The following MAPT variants were observed in gnomAD, a reference collection of about 807,000 sequenced individuals.
MAPT encodes microtubule-associated protein tau.
In MAPT, 34 loss-of-function variants were observed where a neutral mutation model predicts 67.9. That is an observed-to-expected ratio of 0.50 (90% CI 0.38 to 0.67). MAPT has a LOEUF of 0.67. Among genes scored for constraint, MAPT ranks in the 30% least tolerant of loss-of-function variants. The pLI is 0.00. For synonymous variants in MAPT, 456 were observed against 464.5 expected (o/e 0.98, Z 0.23); for missense variants, 881 against 1,115.2 (o/e 0.79, Z 2.99).
chr17:45,983,416 G>T lies in MAPT; in HGVS notation c.837G>T (p.Lys279Asn). ...GDLHQEGPPLKGAGGKERPGS... is the reference protein window; with the variant it reads ...GDLHQEGPPLNGAGGKERPGS... ...TGCACCAGGAGGGGCCGCCGCTGAA[G>T]GGGGCAGGGGGCAAAGAGAGGCCGG... Residue 279 changes from lysine (K) to asparagine (N), a missense_variant, in exon 5 of 13, where the codon AAG becomes AAT. Lys to Asn is a moderately conservative substitution (Grantham distance 94). Around this residue, in one of 6 missense-constraint regions of MAPT, gnomAD observed 687 missense variants for 766.1 expected, o/e 0.90. Transcript: ENST00000262410. 1 of 1,606,466 alleles carries T rather than the reference G, an allele frequency of 6.2e-7. No individual in the cohort carries two copies. The highest frequency in any genetic ancestry group is 2.2e-5 in the East Asian group (1 of 44,716).
chr17:45,997,722 T>C (rs2074613937), intron 9 of MAPT, among the ~76,000 whole-genome samples: 3 of 152,108 alleles, frequency 2.0e-5, no homozygotes, highest in Admixed American at 2.0e-4. Context: ...ATAGTGCCAC[T>C]GCACTCCAGT....
In MAPT at chr17:45,897,081, G is replaced by A. The variant is rs2063298986; in HGVS notation, c.-18+2395G>A. The A allele has an allele frequency of 6.6e-6, 1 of 152,320 alleles. No homozygotes were observed. Among genetic ancestry groups the A allele is most frequent in the Non-Finnish European group, 1.5e-5 (1 of 68,116 alleles). The allele number at this position is 152,320 out of a possible 1,614,324, so 9.4% of individuals were successfully genotyped here. On this transcript the variant is annotated intron_variant, in intron 1 of 12. Transcript: ENST00000262410. The surrounding 1 kb of genome is among the most constrained non-coding windows in gnomAD (Gnocchi z 5.0). ...TAGAGGGCTGGAGCCTGGGTACTGC[G>A]AGGCTCCTCGCATGGCTGGGCCCGC...
In MAPT at chr17:46,028,309, G is replaced by A. The variant is rs2076909082; in HGVS notation, c.*4138G>A. The A allele has an allele frequency of 6.6e-6, 1 of 152,542 alleles. No homozygotes were observed. The allele number at this position is 152,542 out of a possible 1,614,324, so 9.4% of individuals were successfully genotyped here. On this transcript the variant is annotated 3_prime_UTR_variant, in exon 13 of 13. Transcript: ENST00000262410. ...GACTGTTGCTGTAAAAGTGAATTTG[G>A]AAATAAAGTTATTACTCTGATTAAA...
chr17:45,978,548 CAGG>C (rs1052780613), intron 4 of MAPT, 108 bp downstream of exon 4: 19 of 898,460 alleles, frequency 2.1e-5, no homozygotes, highest in Non-Finnish European at 2.8e-5. Context: ...TTCACAAGTC[CAGG>C]AGATTTTAGG....
chr17:45,951,977 G>A (rs2069130611), intron 1 of MAPT, among the ~76,000 whole-genome samples: 1 of 152,180 alleles, frequency 6.6e-6, no homozygotes, highest in African/African-American at 2.4e-5. Context: ...AGTGGTCTGA[G>A]GAAAACAGCC....
At chr17:46,012,692 G>A (rs369747263) in intron 10 of MAPT, among the ~76,000 whole-genome samples, 6 of 152,088 alleles carry the variant, frequency 3.9e-5, no homozygotes, top group Middle Eastern at 3.4e-3. Flanking sequence ...CTGACCACCG[G>A]CCCTGGCTCC....
intron 1 of MAPT, among the ~76,000 whole-genome samples, chr17:45,936,771 G>T (rs12150460): frequency 0.14 from 21,825 of 152,200 alleles, 2,141 homozygotes; most frequent in Middle Eastern, 0.22. Context: ...CTTCCCCCAA[G>T]GGCGTCATTA....
intron 1 of MAPT, chr17:45,895,155 A>G (rs2063088044): frequency 6.6e-6 from 1 of 151,178 alleles, no homozygotes; most frequent in Non-Finnish European, 1.5e-5. Flanking sequence ...GCTGTTCGCC[A>G]TCAGCTCTAA....
rs1568207965 is a variant in MAPT at position 45,941,700 on chromosome 17, TG to T, written c.-17-20620del. Among the ~76,000 whole-genome samples the T allele has an allele frequency of 1.0e-3, 84 of 82,124 alleles. 9 individuals are homozygous for T. Among genetic ancestry groups the T allele is most frequent in the Middle Eastern group, 6.8e-3 (1 of 146 alleles). The allele number at this position is 82,124 out of a possible 152,430, so 53.9% of individuals were successfully genotyped here. A position where few individuals can be genotyped will look rare whatever the true frequency, so the allele number is the denominator to read the frequency against. Reference sequence around the variant, plus strand: ...CTTCCCTCCTTCCTTCCTTCCTTCCTGCCTGCCTTCCTTCCTTCCTTCCTTC... The same window carrying T: ...CTTCCCTCCTTCCTTCCTTCCTTCCTCCTGCCTTCCTTCCTTCCTTCCTTC... On this transcript the variant is annotated intron_variant, in intron 1 of 12. Transcript: ENST00000262410.
intron 1 of MAPT, among the ~76,000 whole-genome samples, chr17:45,936,156 C>G (rs1448969485): frequency 6.6e-6 from 1 of 152,236 alleles, no homozygotes; most frequent in East Asian, 1.9e-4. Context: ...TCAGTATTTG[C>G]ACAGATAGCT....
intron 9 of MAPT, chr17:45,999,326 C>G (rs748717526): frequency 3.1e-6 from 5 of 1,613,832 alleles, no homozygotes; most frequent in Non-Finnish European, 4.2e-6. Flanking sequence ...GCAGCCCCCA[C>G]AAGACTGTGC....
chr17:45,978,140 G>A, intron 3 of MAPT: 2 of 571,784 alleles, frequency 3.5e-6, no homozygotes, highest in Non-Finnish European at 6.3e-6. Flanking sequence ...TTTCCTACTA[G>A]GTCATAGCTA....
chr17:45,958,707 T>G (rs1598151489), intron 1 of MAPT, among the ~76,000 whole-genome samples: 2 of 139,402 alleles, frequency 1.4e-5, no homozygotes. Context: ...AGCAACAGAG[T>G]GAGACCCTGA....
rs529375504 is a variant in MAPT at position 46,019,133 on chromosome 17, G to A, written c.2286+403G>A. On this transcript the variant is annotated intron_variant, in intron 12 of 12. Coordinates refer to ENST00000262410, the MANE Select transcript of MAPT (RefSeq NM_001377265.1). Reference sequence around the variant, plus strand: ...CTCACAGTTCCACATGGCTGGGGAGGCCTCAAAATCATGGCGGAAGGCAAA... The same window carrying A: ...CTCACAGTTCCACATGGCTGGGGAGACCTCAAAATCATGGCGGAAGGCAAA... 2.1e-4 allele frequency among the ~76,000 whole-genome samples: 32 copies of A among 152,272 alleles called. 1 individual carries two copies. The South Asian group carries it at 6.4e-3, about 31-fold the overall frequency.
At chr17:45,903,866 A>AAT (rs2063831215) in intron 1 of MAPT, among the ~76,000 whole-genome samples, 2 of 56,584 alleles carry the variant, frequency 3.5e-5, no homozygotes, top group African/African-American at 1.3e-4. Context: ...TATATATATT[A>AAT]TATATTATAT....
At chr17:45,997,044 G>A (rs2074542622) in intron 9 of MAPT, among the ~76,000 whole-genome samples, 1 of 152,222 alleles carries the variant, frequency 6.6e-6, no homozygotes, top group Non-Finnish European at 1.5e-5. Context: ...TGCCTTCTGG[G>A]CAGAATACAC....
intron 1 of MAPT, among the ~76,000 whole-genome samples, chr17:45,909,595 G>T (rs1013910984): frequency 3.9e-5 from 6 of 152,110 alleles, no homozygotes; most frequent in Non-Finnish European, 7.3e-5. Flanking sequence ...AATTAGGCTG[G>T]GTGTGGTGGC....
At chr17:46,018,037 C>T (rs950445234) in intron 11 of MAPT, among the ~76,000 whole-genome samples, 3 of 151,038 alleles carry the variant, frequency 2.0e-5, no homozygotes, top group Admixed American at 6.6e-5. Context: ...CCCAGCCACT[C>T]GGTTGGCTGA....
In MAPT at chr17:45,933,245, C is replaced by CT. The variant is rs61564191; in HGVS notation, c.-17-29062dup. ...TACTGTTTTTGAACTCTCTCTCTCCCTTTTTTTTTTTTTTGAGACAGAGTC... is the reference window on the plus strand; with the variant it reads ...TACTGTTTTTGAACTCTCTCTCTCCCTTTTTTTTTTTTTTTGAGACAGAGTC... On this transcript the variant is annotated intron_variant, in intron 1 of 12. Transcript: ENST00000262410. Among the ~76,000 whole-genome samples, 654 of 139,172 alleles carry CT rather than the reference C, an allele frequency of 4.7e-3. 22 individuals are homozygous for CT. Among genetic ancestry groups the CT allele is most frequent in the African/African-American group, 0.012 (439 of 38,090 alleles). The allele number at this position is 139,172 out of a possible 152,430, so 91.3% of individuals were successfully genotyped here.
Sources: allele counts gnomAD v4.1 joint callset (sites outside exome capture counted in the v4.1 genomes callset), GRCh38; gene constraint gnomAD v4.1.1; regional missense constraint gnomAD v4.1.1; non-coding constraint Gnocchi (gnomAD v3.1); transcripts MANE v1.5; gene names NCBI Gene and HGNC (gene_info 2026-07-23, HGNC 2026-07-21).